AMOTL1: variants seen among roughly 807,000 people sequenced by gnomAD.
AMOTL1 encodes angiomotin-like protein 1.
A neutral mutation model predicts 102.9 loss-of-function variants in AMOTL1; 45 were observed. That is an observed-to-expected ratio of 0.44 (90% CI 0.34 to 0.56). The LOEUF (loss-of-function observed/expected upper bound fraction) is 0.56, where lower values mean the gene tolerates loss of function less well. Ranked by LOEUF, AMOTL1 falls within the 20% of genes least tolerant of loss-of-function variation. The pLI, the probability that AMOTL1 is intolerant of heterozygous loss-of-function variation, is 0.01. For synonymous variants in AMOTL1, 481 were observed against 484.7 expected, an observed-to-expected ratio of 0.99 and a Z score of 0.10; for missense variants, 1,114 against 1,225.6, an observed-to-expected ratio of 0.91 and a Z score of 1.36.
At chr11:94,775,977 G>A (rs1308063933) in intron 1 of AMOTL1, among the ~76,000 whole-genome samples, 1 of 152,180 alleles carries the variant, frequency 6.6e-6, no homozygotes, top group Non-Finnish European at 1.5e-5. Flanking sequence ...GCTGTTTCTA[G>A]GGATGTTCCA....
intron 12 of AMOTL1, among the ~76,000 whole-genome samples, chr11:94,870,251 C>T (rs1329688841): frequency 1.3e-5 from 2 of 152,154 alleles, no homozygotes; most frequent in East Asian, 3.8e-4. Flanking sequence ...GAGGTGCAGG[C>T]TCTGTGGGCC....
At chr11:94,829,990 T>A in intron 4 of AMOTL1, 60 bp from the exon 5 acceptor site, 1 of 1,494,686 alleles carries the variant, frequency 6.7e-7, no homozygotes, top group Non-Finnish European at 8.9e-7. Flanking sequence ...AGAATCCATT[T>A]TACCAAGACA....
intron 3 of AMOTL1, among the ~76,000 whole-genome samples, chr11:94,746,259 G>A (rs935322399): frequency 5.9e-5 from 9 of 152,144 alleles, no homozygotes; most frequent in African/African-American, 1.7e-4. Context: ...ACCATTTTCT[G>A]AGGAGGCAAA....
chr11:94,748,636 A>G (rs1043098246), intron 3 of AMOTL1, among the ~76,000 whole-genome samples: 6 of 152,250 alleles, frequency 3.9e-5, no homozygotes, highest in Non-Finnish European at 7.3e-5. Context: ...CTTTATGACC[A>G]TAGACAAGTT....
At chr11:94,864,992 C>CTG in intron 10 of AMOTL1, 132 bp downstream of exon 10, 1 of 1,289,774 alleles carries the variant, frequency 7.8e-7, no homozygotes, top group Non-Finnish European at 1.0e-6. Flanking sequence ...CTCCCCCATG[C>CTG]TGTGCCATGG....
In AMOTL1 at chr11:94,799,215, G is replaced by A. The variant is rs998094095; in HGVS notation, c.200-175G>A. On this transcript the variant is annotated intron_variant, in intron 2 of 12. Transcript: ENST00000433060. This position sits in a 1 kb window ranked among gnomAD's most constrained non-coding sequence, Gnocchi z 4.5. ...GAGTGCAGAATAGTAGACTCGCTTT[G>A]AATTGGAGAAGAAAATTCCATGAGA... 1.3e-5 allele frequency among the ~76,000 whole-genome samples: 2 copies of A among 152,108 alleles called. No homozygotes were observed. The highest frequency in any genetic ancestry group is 6.5e-5 in the Admixed American group (1 of 15,280).
intron 3 of AMOTL1, among the ~76,000 whole-genome samples, chr11:94,757,578 A>T (rs928401482): frequency 3.3e-5 from 5 of 152,180 alleles, no homozygotes; most frequent in Non-Finnish European, 7.3e-5. Context: ...AATAGATCTT[A>T]CTGTCTCCTA....
intron 8 of AMOTL1, among the ~76,000 whole-genome samples, chr11:94,858,960 T>G (rs1952719966): frequency 6.6e-6 from 1 of 152,234 alleles, no homozygotes; most frequent in Non-Finnish European, 1.5e-5. Flanking sequence ...TCTAGTTTGA[T>G]TCTCATTCTC....
At chr11:94,712,029 T>C (rs1168404283) in intron 1 of AMOTL1, among the ~76,000 whole-genome samples, 2 of 152,096 alleles carry the variant, frequency 1.3e-5, no homozygotes, top group African/African-American at 4.8e-5. Flanking sequence ...TTAATGTTTA[T>C]ATAGAACGGC....
chr11:94,794,089 G>T (rs985632298), intron 1 of AMOTL1, among the ~76,000 whole-genome samples: 1 of 152,226 alleles, frequency 6.6e-6, no homozygotes, highest in Admixed American at 6.5e-5. Context: ...CAAATTACCA[G>T]TTGGAAGCCA....
At chr11:94,710,411 T>C (rs1434151259) in intron 1 of AMOTL1, among the ~76,000 whole-genome samples, 1 of 152,214 alleles carries the variant, frequency 6.6e-6, no homozygotes, top group Non-Finnish European at 1.5e-5. Context: ...GGAAAGTATC[T>C]AGACATGTCT....
intron 1 of AMOTL1, among the ~76,000 whole-genome samples, chr11:94,776,925 G>A (rs929840181): frequency 6.6e-6 from 1 of 152,236 alleles, no homozygotes; most frequent in African/African-American, 2.4e-5. Flanking sequence ...GGTGATGTGG[G>A]AAAGGTTGGA....
chr11:94,734,228 T>C (rs1319315469), intron 2 of AMOTL1, among the ~76,000 whole-genome samples: 1 of 152,230 alleles, frequency 6.6e-6, no homozygotes, highest in Non-Finnish European at 1.5e-5. Flanking sequence ...CTGCTTAGGA[T>C]AATGATTTTT....
rs763105812 is a variant in AMOTL1, at chr11:94,745,521, G to T, written c.136+4533G>T. 3.3e-4 allele frequency among the ~76,000 whole-genome samples: 50 copies of T among 152,118 alleles called. 1 individual carries two copies. Among genetic ancestry groups the T allele is most frequent in the Non-Finnish European group, 1.5e-4 (10 of 68,028 alleles). ...TAGGAGCTCTGTGCTGAGAACCAGG[G>T]ATGAAAACCAAATATATGTATATTT... On this transcript the variant is annotated intron_variant, in intron 3 of 4. Transcript: ENST00000299004.
chr11:94,711,157 C>A (rs1410844279), intron 1 of AMOTL1, among the ~76,000 whole-genome samples: 3 of 151,920 alleles, frequency 2.0e-5, no homozygotes, highest in Admixed American at 6.6e-5. Context: ...AAATTTTAAT[C>A]TGTGTAATTT....
chr11:94,787,232 T>G (rs1951204477), intron 1 of AMOTL1, among the ~76,000 whole-genome samples: 1 of 152,072 alleles, frequency 6.6e-6, no homozygotes, highest in South Asian at 2.1e-4. Context: ...AGTATATATT[T>G]TAGCATTTAG....
At chr11:94,854,289 A>G (rs1486544876) in intron 8 of AMOTL1, among the ~76,000 whole-genome samples, 1 of 152,154 alleles carries the variant, frequency 6.6e-6, no homozygotes, top group Non-Finnish European at 1.5e-5. Flanking sequence ...CACAGAGAGA[A>G]AGTGGTCGCC....
Position 94,821,824 on chromosome 11 carries a change from G to T in AMOTL1, c.1413+3G>T, listed in dbSNP as rs371482808. ...ACAATGCCGACAAGCTCCACAAGGT[G>T]CGTGACTTCCCTGGGGAATGGGAGG... On this transcript the variant is annotated splice_donor_region_variant and intron_variant, in intron 4 of 12. Transcript: ENST00000433060. 88 of 1,612,402 alleles carry T rather than the reference G, an allele frequency of 5.5e-5. No individual in the cohort carries two copies. Among genetic ancestry groups the T allele is most frequent in the Non-Finnish European group, 6.4e-5 (76 of 1,178,706 alleles).
intron 11 of AMOTL1, among the ~76,000 whole-genome samples, chr11:94,868,553 C>T (rs1384349026): frequency 6.6e-6 from 1 of 152,128 alleles, no homozygotes; most frequent in African/African-American, 2.4e-5. Flanking sequence ...TGGCTTTCTG[C>T]TTCTGGGAGG....
Sources: gnomAD v4.1 joint callset for allele counts (sites outside exome capture counted in the v4.1 genomes callset) on GRCh38, gnomAD v4.1.1 for gene constraint, Gnocchi (gnomAD v3.1) non-coding constraint, MANE v1.5 for transcripts, NCBI Gene and HGNC (gene_info 2026-07-23, HGNC 2026-07-21) for gene names.